Variants in FGF12 observed in about 807,000 individuals in gnomAD.
The protein encoded by FGF12 is fibroblast growth factor 12B.
A neutral mutation model predicts 23.6 loss-of-function variants in FGF12; 14 were observed. That is an observed-to-expected ratio of 0.59 (90% CI 0.39 to 0.93). The LOEUF is 0.93. Ranked by LOEUF, FGF12 falls within the 40% of genes least tolerant of loss-of-function variation. The pLI is 0.00. For missense variants in FGF12, 175 were observed against 217.8 expected, an observed-to-expected ratio of 0.80 and a Z score of 1.24; for synonymous variants, 62 against 77.3, an observed-to-expected ratio of 0.80 and a Z score of 1.04.
intron 2 of FGF12, among the ~76,000 whole-genome samples, chr3:192,631,096 C>T (rs1715376341): frequency 1.3e-5 from 2 of 152,168 alleles, no homozygotes; most frequent in East Asian, 1.9e-4. Context: ...ATCTCTTTCT[C>T]CAGTTCCTGA....
chr3:192,587,472 T>G (rs1713419833), intron 2 of FGF12, among the ~76,000 whole-genome samples: 1 of 151,930 alleles, frequency 6.6e-6, no homozygotes, highest in Admixed American at 6.6e-5. Context: ...GTCAGCCTTA[T>G]GTTTACATAT....
chr3:192,377,692 T>C (rs537368205), intron 2 of FGF12, among the ~76,000 whole-genome samples: 60 of 152,316 alleles, frequency 3.9e-4, no homozygotes, highest in Non-Finnish European at 7.1e-4. Flanking sequence ...GCCTGATCCC[T>C]TCCAAGTGTC....
intron 5 of FGF12, among the ~76,000 whole-genome samples, chr3:192,158,014 A>T (rs1714523803): frequency 6.6e-6 from 1 of 152,212 alleles, no homozygotes; most frequent in African/African-American, 2.4e-5. Context: ...GTCAGCTTTA[A>T]AATCCATTTG....
At chr3:192,326,093 T>C (rs575446024) in intron 4 of FGF12, among the ~76,000 whole-genome samples, 4 of 152,146 alleles carry the variant, frequency 2.6e-5, no homozygotes, top group African/African-American at 7.2e-5. Flanking sequence ...TGTCTGAACA[T>C]TGGAATTACA....
At chr3:192,672,246 C>A (rs1717150184) in intron 2 of FGF12, among the ~76,000 whole-genome samples, 1 of 150,990 alleles carries the variant, frequency 6.6e-6, no homozygotes, top group African/African-American at 2.4e-5. Flanking sequence ...TACACACCTC[C>A]CAGACCAAAT....
intron 2 of FGF12, among the ~76,000 whole-genome samples, chr3:192,541,853 C>T (rs1725374069): frequency 6.6e-6 from 1 of 151,938 alleles, no homozygotes; most frequent in Admixed American, 6.6e-5. Flanking sequence ...ATGCCACTTT[C>T]TCCTGATCTG....
At chr3:192,237,305 C>T (rs1032988988) in intron 4 of FGF12, among the ~76,000 whole-genome samples, 3 of 152,152 alleles carry the variant, frequency 2.0e-5, no homozygotes, top group East Asian at 1.9e-4. Flanking sequence ...CTGATGACTA[C>T]GTGTCTTGGG....
At chr3:192,173,488 C>T (rs578252593) in intron 4 of FGF12, among the ~76,000 whole-genome samples, 5 of 139,388 alleles carry the variant, frequency 3.6e-5, no homozygotes, top group Admixed American at 7.4e-5. Context: ...ATAAAAGTAA[C>T]TCAGATTCAA....
chr3:192,348,239 C>T (rs1231630103), intron 3 of FGF12, among the ~76,000 whole-genome samples: 1 of 152,098 alleles, frequency 6.6e-6, no homozygotes, highest in East Asian at 1.9e-4. Flanking sequence ...GTTCCAGATT[C>T]GGTCTCAATG....
intron 2 of FGF12, among the ~76,000 whole-genome samples, chr3:192,673,768 T>C (rs1215304161): frequency 6.6e-6 from 1 of 151,226 alleles, no homozygotes; most frequent in African/African-American, 2.4e-5. Context: ...ATGTACCACA[T>C]TTCCTATATC....
intron 2 of FGF12, among the ~76,000 whole-genome samples, chr3:192,467,246 C>T (rs1216930594): frequency 6.6e-6 from 1 of 152,142 alleles, no homozygotes; most frequent in Admixed American, 6.6e-5. Context: ...GCTCCTAATT[C>T]TCCCACTGAT....
At chr3:192,701,814 A>C (rs1348286361) in intron 2 of FGF12, among the ~76,000 whole-genome samples, 2 of 152,238 alleles carry the variant, frequency 1.3e-5, no homozygotes, top group African/African-American at 4.8e-5. Flanking sequence ...ATATAGTGAA[A>C]TGATTACTAC....
chr3:192,333,208 T>C (rs184665485), intron 4 of FGF12, among the ~76,000 whole-genome samples: 28 of 152,244 alleles, frequency 1.8e-4, no homozygotes, highest in African/African-American at 5.1e-4. Context: ...TACAATACTG[T>C]TGTCAAACTT....
chr3:192,458,181 T>C (rs966664552), intron 2 of FGF12, among the ~76,000 whole-genome samples: 1 of 152,182 alleles, frequency 6.6e-6, no homozygotes, highest in Non-Finnish European at 1.5e-5. Flanking sequence ...GAAGAACCTC[T>C]GCTTGGGAAG....
At chr3:192,481,351 C>T (rs914591052) in intron 2 of FGF12, among the ~76,000 whole-genome samples, 1 of 152,060 alleles carries the variant, frequency 6.6e-6, no homozygotes, top group African/African-American at 2.4e-5. Flanking sequence ...ATCATTTGTC[C>T]TGATGTATAC....
At chr3:192,277,900 A>C (rs535599003) in intron 4 of FGF12, among the ~76,000 whole-genome samples, 14 of 152,188 alleles carry the variant, frequency 9.2e-5, no homozygotes, top group Admixed American at 3.3e-4. Context: ...GTAGCTGGGA[A>C]TACAGGCGCC....
At chr3:192,163,828 AGTGTGTGT>A (rs35349561) in intron 5 of FGF12, among the ~76,000 whole-genome samples, 1 of 149,370 alleles carries the variant, frequency 6.7e-6, no homozygotes, top group African/African-American at 2.5e-5. Flanking sequence ...AGTGTGTGTG[AGTGTGTGT>A]GTGTGTGTGT....
chr3:192,148,250 C>G (rs1173486484), intron 5 of FGF12, among the ~76,000 whole-genome samples: 1 of 152,124 alleles, frequency 6.6e-6, no homozygotes, highest in Non-Finnish European at 1.5e-5. Flanking sequence ...ATAATGTGGC[C>G]TATACATATA....
At chr3:192,232,419 T>C (rs1719069012) in intron 4 of FGF12, among the ~76,000 whole-genome samples, 1 of 152,194 alleles carries the variant, frequency 6.6e-6, no homozygotes, top group African/African-American at 2.4e-5. Context: ...TTGATGTATA[T>C]GCACAATATC....
Sources: allele counts gnomAD v4.1 joint callset (sites outside exome capture counted in the v4.1 genomes callset), GRCh38; gene constraint gnomAD v4.1.1; transcripts MANE v1.5; gene names NCBI Gene and HGNC (gene_info 2026-07-23, HGNC 2026-07-21).